Variants in B4GALNT3 observed in about 807,000 individuals in gnomAD.
The protein encoded by B4GALNT3 is beta-1,4-N-acetylgalactosaminyltransferase 3.
In B4GALNT3, 86 loss-of-function variants were observed where a neutral mutation model predicts 120.2. That is an observed-to-expected ratio of 0.72 (90% confidence interval 0.60 to 0.86). B4GALNT3 has a LOEUF of 0.86. Ranked by LOEUF, B4GALNT3 falls within the 40% of genes least tolerant of loss-of-function variation. The pLI, the probability that B4GALNT3 is intolerant of heterozygous loss-of-function variation, is 0.00. For missense variants in B4GALNT3, 1,167 were observed against 1,298.9 expected (o/e 0.90, Z 1.56); for synonymous variants, 518 against 510.4 (o/e 1.01, Z -0.20).
intron 1 of B4GALNT3, among the ~76,000 whole-genome samples, chr12:468,361 G>A (rs573322968): frequency 2.6e-5 from 4 of 152,166 alleles, no homozygotes; most frequent in South Asian, 4.2e-4. Context: ...CCTTTTTGGG[G>A]GTCTTTATTT....
intron 2 of B4GALNT3, among the ~76,000 whole-genome samples, chr12:535,669 C>T (rs964656136): frequency 7.2e-5 from 11 of 152,178 alleles, no homozygotes; most frequent in Admixed American, 6.5e-5. Flanking sequence ...GATGGACACC[C>T]CTCCCTGCCC....
At position 536,311 on chromosome 12, in the gene B4GALNT3, T is replaced by C. The variant is rs755561737; in HGVS notation, c.351+16T>C. 3.1e-6 allele frequency: 5 copies of C among 1,592,662 alleles called. No individual in the cohort carries two copies. Among genetic ancestry groups the C allele is most frequent in the Non-Finnish European group, 4.3e-6 (5 of 1,160,514 alleles). On this transcript the variant is annotated intron_variant, in intron 3 of 19. Transcript: ENST00000266383. ...GCTCTCAGAGGTGAGGGACTTTCTATTGTACCTGCCCTTTGAGAGAGCTAA... is the reference window on the plus strand; with the variant it reads ...GCTCTCAGAGGTGAGGGACTTTCTACTGTACCTGCCCTTTGAGAGAGCTAA...
rs775815063 is a variant in B4GALNT3, at chr12:546,728, G to A, written c.707+15G>A. The A allele has an allele frequency of 1.1e-4, 171 of 1,550,810 alleles. No homozygotes were observed. The highest frequency in any genetic ancestry group is 1.4e-4 in the Non-Finnish European group (156 of 1,146,524). ...AAGCCGGTGAGGTGAGTGAGGGTCA[G>A]GACAGGCGCTGTGGGCGCCTCGGTG... On this transcript the variant is annotated intron_variant, in intron 7 of 19. Coordinates refer to ENST00000266383, the MANE Select transcript of B4GALNT3 (RefSeq NM_173593.4).
intron 1 of B4GALNT3, among the ~76,000 whole-genome samples, chr12:467,819 G>A (rs568319844): frequency 2.0e-5 from 3 of 152,260 alleles, no homozygotes; most frequent in East Asian, 3.9e-4. Flanking sequence ...GTATGAGAAC[G>A]CTCTAAACAT....
intron 1 of B4GALNT3, among the ~76,000 whole-genome samples, chr12:482,472 C>T (rs1946251020): frequency 6.6e-6 from 1 of 152,134 alleles, no homozygotes; most frequent in Admixed American, 6.6e-5. Flanking sequence ...AGTCAAAATC[C>T]CAGTTTTAAG....
intron 1 of B4GALNT3, among the ~76,000 whole-genome samples, chr12:473,994 G>T (rs1390485257): frequency 1.3e-5 from 2 of 152,190 alleles, no homozygotes; most frequent in African/African-American, 4.8e-5. Context: ...GACACCAAAA[G>T]GGTGTCAGGA....
intron 1 of B4GALNT3, among the ~76,000 whole-genome samples, chr12:494,527 A>G (rs148395363): frequency 6.6e-6 from 1 of 152,196 alleles, no homozygotes; most frequent in East Asian, 1.9e-4. Flanking sequence ...CTACCATCCC[A>G]TAGTAGTCAT....
intron 1 of B4GALNT3, among the ~76,000 whole-genome samples, chr12:529,741 C>T (rs1946789365): frequency 6.8e-6 from 1 of 147,874 alleles, no homozygotes; most frequent in Non-Finnish European, 1.5e-5. Flanking sequence ...AAAAGCAATA[C>T]ATCCTGCCGT....
intron 1 of B4GALNT3, among the ~76,000 whole-genome samples, chr12:514,448 C>T (rs988777093): frequency 1.1e-4 from 17 of 151,886 alleles, no homozygotes; most frequent in South Asian, 4.2e-4. Flanking sequence ...CTGCCCGCCT[C>T]GGCCTCCCAA....
chr12:533,603 CAG>C (rs1946828890), intron 1 of B4GALNT3, among the ~76,000 whole-genome samples: 1 of 152,310 alleles, frequency 6.6e-6, no homozygotes, highest in Non-Finnish European at 1.5e-5. Flanking sequence ...GCCTGTGAGA[CAG>C]GGGAGCTCTC....
intron 3 of B4GALNT3, 86 bp from the exon 4 acceptor site, chr12:544,253 T>A: frequency 7.8e-7 from 1 of 1,284,036 alleles, no homozygotes; most frequent in Non-Finnish European, 1.1e-6. Flanking sequence ...GGGGCGGGCA[T>A]GGGATGCTCA....
chr12:512,114 C>G (rs1283889842), intron 1 of B4GALNT3, among the ~76,000 whole-genome samples: 1 of 138,630 alleles, frequency 7.2e-6, no homozygotes, highest in Non-Finnish European at 1.5e-5. Context: ...CCACCTTCTT[C>G]CACCTTCGAG....
chr12:506,699 C>T (rs1009139164), intron 1 of B4GALNT3, among the ~76,000 whole-genome samples: 6 of 151,976 alleles, frequency 3.9e-5, no homozygotes, highest in East Asian at 1.9e-4. Flanking sequence ...TGCAGTGGCG[C>T]GGTCTCGGCT....
At chr12:544,792 T>C in intron 4 of B4GALNT3, 90 bp from the exon 5 acceptor site, 1 of 1,296,560 alleles carries the variant, frequency 7.7e-7, no homozygotes. Context: ...CCTCCTGTCA[T>C]AGTCCCCTCC....
chr12:554,170 CA>C (rs1330175191), intron 14 of B4GALNT3, among the ~76,000 whole-genome samples, 187 bp downstream of exon 14: 1 of 152,218 alleles, frequency 6.6e-6, no homozygotes, highest in Non-Finnish European at 1.5e-5. Context: ...GGATCTTGAC[CA>C]GGCAGGTGTT....
intron 1 of B4GALNT3, among the ~76,000 whole-genome samples, chr12:468,362 G>T (rs1047839004): frequency 1.3e-5 from 2 of 152,218 alleles, no homozygotes; most frequent in African/African-American, 4.8e-5. Context: ...CTTTTTGGGG[G>T]TCTTTATTTA....
chr12:493,083 T>C (rs983463229), intron 1 of B4GALNT3, among the ~76,000 whole-genome samples: 3 of 152,148 alleles, frequency 2.0e-5, no homozygotes, highest in African/African-American at 4.8e-5. Flanking sequence ...TGAGAAACAA[T>C]TGATAAGCTA....
Position 543,183 on chromosome 12 carries a change from C to T in B4GALNT3, c.352-1156C>T, listed in dbSNP as rs1184869739. 2.3e-6 allele frequency: 3 copies of T among 1,289,602 alleles called. No individual in the cohort carries two copies. In the South Asian group the frequency reaches 3.7e-5, roughly 16 times the overall value. 79.9% of individuals were successfully genotyped at this position (1,289,602 alleles called of 1,614,324 possible). Reference sequence around the variant, plus strand: ...GCAGACCTTGTCCCCAAGGCCAGGCCATGGGGTGAACATCAGCACCAGGTT... The same window carrying T: ...GCAGACCTTGTCCCCAAGGCCAGGCTATGGGGTGAACATCAGCACCAGGTT... On this transcript the variant is annotated intron_variant, in intron 3 of 19. Transcript: ENST00000266383.
intron 1 of B4GALNT3, among the ~76,000 whole-genome samples, chr12:497,712 G>A (rs1946401200): frequency 1.3e-5 from 2 of 152,144 alleles, no homozygotes; most frequent in Non-Finnish European, 2.9e-5. Context: ...TGAGCACCGA[G>A]CCAGGTGGTC....
Sources: gnomAD v4.1 joint callset for allele counts (sites outside exome capture counted in the v4.1 genomes callset) on GRCh38, gnomAD v4.1.1 for gene constraint, MANE v1.5 for transcripts, NCBI Gene and HGNC (gene_info 2026-07-23, HGNC 2026-07-21) for gene names.